The following HHAT variants were observed in gnomAD, a reference collection of about 807,000 sequenced individuals.
The protein encoded by HHAT is hedgehog acyltransferase.
Under a neutral mutation model 70.8 loss-of-function variants are expected in HHAT, and 47 were observed. The ratio of observed to expected loss-of-function variants is 0.66; its 90% CI spans 0.53 to 0.85. The LOEUF is 0.85. Among genes scored for constraint, HHAT ranks in the 40% least tolerant of loss-of-function variants. The pLI, the probability that HHAT is intolerant of heterozygous loss-of-function variation, is 0.00. For synonymous variants in HHAT, 228 were observed against 247.6 expected (o/e 0.92, Z 0.74); for missense variants, 609 against 604.8 (o/e 1.01, Z -0.07).
At chr1:210,374,080 T>G (rs374591445) in intron 3 of HHAT, 9 of 152,336 alleles carry the variant, frequency 5.9e-5, no homozygotes, top group African/African-American at 2.2e-4. Context: ...AAACAAACAG[T>G]GACAATGAAT....
chr1:210,402,175 C>T (rs534307140), intron 5 of HHAT, among the ~76,000 whole-genome samples: 1 of 152,300 alleles, frequency 6.6e-6, no homozygotes, highest in African/African-American at 2.4e-5. Context: ...AGTCCAAGGC[C>T]CCAGCTCCAG....
intron 8 of HHAT, among the ~76,000 whole-genome samples, chr1:210,497,998 G>A (rs1163980934): frequency 2.0e-5 from 3 of 151,726 alleles, no homozygotes; most frequent in Non-Finnish European, 2.9e-5. Flanking sequence ...CTTGTGATCC[G>A]CCCGCCTTGG....
chr1:210,523,240 C>G (rs562428730), intron 9 of HHAT, among the ~76,000 whole-genome samples: 5 of 152,262 alleles, frequency 3.3e-5, no homozygotes, highest in African/African-American at 9.6e-5. Flanking sequence ...TCCCCTTGTG[C>G]CACTGCCACT....
Position 210,522,080 on chromosome 1 carries a change from T to C in HHAT, c.1043+8892T>C, listed in dbSNP as rs1192886973. ...AACTTTGTATTTTGTAAGTGTAACA[T>C]AAAGGTTGATTTCTGTTTAAACAGT... is the stretch of plus-strand genomic sequence containing the variant. On this transcript the variant is annotated intron_variant, in intron 9 of 11. Coordinates refer to ENST00000261458, the MANE Select transcript of HHAT (RefSeq NM_018194.6). 2.0e-5 allele frequency among the ~76,000 whole-genome samples: 3 copies of C among 152,234 alleles called. No individual in the cohort carries two copies. In the East Asian group the frequency reaches 5.8e-4, roughly 29 times the overall value.
intron 11 of HHAT, among the ~76,000 whole-genome samples, chr1:210,659,300 A>G (rs188812910): frequency 3.7e-4 from 57 of 152,352 alleles, no homozygotes; most frequent in African/African-American, 1.3e-3. Flanking sequence ...AGAGAATACT[A>G]TAAACACCTC....
intron 9 of HHAT, among the ~76,000 whole-genome samples, chr1:210,569,306 G>A (rs1248627112): frequency 2.8e-5 from 4 of 144,162 alleles, no homozygotes; most frequent in Non-Finnish European, 6.0e-5. Flanking sequence ...CCTGGGAGGC[G>A]GAGGTTGCAG....
chr1:210,510,962 A>G (rs974122508), intron 8 of HHAT, among the ~76,000 whole-genome samples: 90 of 152,204 alleles, frequency 5.9e-4, no homozygotes, highest in African/African-American at 2.0e-3. Flanking sequence ...CAAGCTTTGG[A>G]TGAGTGAAGG....
chr1:210,508,329 C>T (rs1469899238), intron 8 of HHAT, among the ~76,000 whole-genome samples: 6 of 151,746 alleles, frequency 4.0e-5, no homozygotes, highest in African/African-American at 1.2e-4. Context: ...TGCAAAAGCC[C>T]GCAAATTCTG....
At chr1:210,399,750 G>A (rs539805535) in intron 4 of HHAT, among the ~76,000 whole-genome samples, 1 of 152,248 alleles carries the variant, frequency 6.6e-6, no homozygotes, top group Admixed American at 6.5e-5. Flanking sequence ...GCAAAGACAT[G>A]TTAATTCATC....
intron 5 of HHAT, among the ~76,000 whole-genome samples, chr1:210,402,690 A>G (rs549194572): frequency 1.3e-5 from 2 of 152,200 alleles, no homozygotes; most frequent in South Asian, 4.1e-4. Context: ...CCCTTCCTCT[A>G]ACCCCCTAGG....
intron 3 of HHAT, among the ~76,000 whole-genome samples, chr1:210,368,552 A>C (rs911808949): frequency 8.6e-5 from 13 of 151,060 alleles, no homozygotes; most frequent in African/African-American, 2.4e-4. Flanking sequence ...CAGCCTTCCA[A>C]AGTGCTGGGA....
At chr1:210,382,991 T>C (rs2090763101) in intron 3 of HHAT, among the ~76,000 whole-genome samples, 1 of 152,196 alleles carries the variant, frequency 6.6e-6, no homozygotes, top group Non-Finnish European at 1.5e-5. Flanking sequence ...TGACCTCCAG[T>C]TAACTCATTT....
intron 3 of HHAT, among the ~76,000 whole-genome samples, chr1:210,370,257 C>T (rs1297074084): frequency 6.7e-6 from 1 of 150,158 alleles, no homozygotes; most frequent in African/African-American, 2.5e-5. Flanking sequence ...TCACTGCAAC[C>T]TCTGCCTCCT....
intron 11 of HHAT, among the ~76,000 whole-genome samples, chr1:210,649,144 A>G (rs1383596985): frequency 6.6e-6 from 1 of 152,208 alleles, no homozygotes; most frequent in East Asian, 1.9e-4. Context: ...TTGGCTATAT[A>G]TTCAACTCTG....
rs1367263980 is a variant in HHAT at position 210,665,715 on chromosome 1, AC to A, written c.1391-8572del. On this transcript the variant is annotated intron_variant, in intron 11 of 11. Coordinates refer to ENST00000261458, the MANE Select transcript of HHAT (RefSeq NM_018194.6). ...TCATTCAGACTGTTTTCCACATAGG[AC>A]TCAACCTGCCACCCTGGGCTTGGGA... Among the ~76,000 whole-genome samples, 6 of 152,276 alleles carry A rather than the reference AC, an allele frequency of 3.9e-5. No homozygotes were observed. The East Asian group carries it at 1.2e-3, about 29-fold the overall frequency.
At chr1:210,401,316 G>C (rs976328135) in intron 5 of HHAT, among the ~76,000 whole-genome samples, 1 of 152,150 alleles carries the variant, frequency 6.6e-6, no homozygotes, top group African/African-American at 2.4e-5. Flanking sequence ...GTTTCACCAT[G>C]TTGGCCGGGC....
At chr1:210,584,312 A>C (rs2148776310) in intron 9 of HHAT, among the ~76,000 whole-genome samples, 1 of 152,260 alleles carries the variant, frequency 6.6e-6, no homozygotes, top group South Asian at 2.1e-4. Flanking sequence ...AGAGCATTTG[A>C]TAATCTGTTT....
intron 3 of HHAT, chr1:210,374,195 C>G (rs188367649): frequency 1.3e-5 from 2 of 152,136 alleles, no homozygotes; most frequent in Non-Finnish European, 2.9e-5. Context: ...TAGCTTATAA[C>G]TGATTTGTTT....
chr1:210,396,173 A>G (rs2091773637), intron 4 of HHAT, among the ~76,000 whole-genome samples: 1 of 152,178 alleles, frequency 6.6e-6, no homozygotes, highest in Non-Finnish European at 1.5e-5. Flanking sequence ...CTTATTTTTC[A>G]TCAGCCTTTT....
Sources: allele counts gnomAD v4.1 joint callset (sites outside exome capture counted in the v4.1 genomes callset), GRCh38; gene constraint gnomAD v4.1.1; transcripts MANE v1.5; gene names NCBI Gene and HGNC (gene_info 2026-07-23, HGNC 2026-07-21).